ESRRB: variants seen among roughly 807,000 people sequenced by gnomAD.
ESRRB encodes steroid hormone receptor ERR2.
In ESRRB, 16 loss-of-function variants were observed where a neutral mutation model predicts 46.0. The ratio of observed to expected loss-of-function variants is 0.35; its 90% CI spans 0.24 to 0.53. The LOEUF is 0.53. ESRRB is among the 20% of genes least tolerant of loss of function. The probability of loss-of-function intolerance (pLI) is 0.93; values close to 1 mark genes in which losing one functional copy is unlikely to be tolerated. For synonymous variants in ESRRB, 246 were observed against 259.6 expected, an observed-to-expected ratio of 0.95 and a Z score of 0.50; for missense variants, 488 against 607.4, an observed-to-expected ratio of 0.80 and a Z score of 2.07.
Position 76,376,333 on chromosome 14 carries a change from T to C in ESRRB, c.-69T>C, listed in dbSNP as rs1884765739. Reference sequence around the variant, plus strand: ...CCGGGCTCGCACCTTGCCCGTGCCCTTCACTCGCTCTTCCGCGTGATTTCC... The same window carrying C: ...CCGGGCTCGCACCTTGCCCGTGCCCCTCACTCGCTCTTCCGCGTGATTTCC... On this transcript the variant is annotated 5_prime_UTR_variant, in exon 1 of 7. Transcript: ENST00000644823. The surrounding 1 kb of genome is among the most constrained non-coding windows in gnomAD (Gnocchi z 4.1). The C allele has an allele frequency of 1.7e-6, 2 of 1,174,468 alleles. No homozygotes were observed. Among genetic ancestry groups the C allele is most frequent in the Non-Finnish European group, 2.1e-6 (2 of 935,876 alleles). The allele number at this position is 1,174,468 out of a possible 1,614,324, so 72.8% of individuals were successfully genotyped here.
intron 2 of ESRRB, among the ~76,000 whole-genome samples, chr14:76,440,298 A>G (rs948278888): frequency 6.6e-6 from 1 of 151,952 alleles, no homozygotes; most frequent in African/African-American, 2.4e-5. Context: ...AGACCCCATC[A>G]TTATTATTAT....
intron 1 of ESRRB, among the ~76,000 whole-genome samples, chr14:76,349,814 G>C (rs1339986530): frequency 6.6e-6 from 1 of 152,122 alleles, no homozygotes; most frequent in African/African-American, 2.4e-5. Context: ...TGAATGAATA[G>C]AGAAGGGAAA....
chr14:76,311,000 CTCTCTCTCT>C, intron 1 of ESRRB: 1 of 434,690 alleles, frequency 2.3e-6, no homozygotes, highest in Non-Finnish European at 4.6e-6. Flanking sequence ...CTCTCTCTCT[CTCTCTCTCT>C]CTCTCTCTCT....
At chr14:76,489,881 T>G (rs1026587006) in intron 5 of ESRRB, among the ~76,000 whole-genome samples, 3 of 151,940 alleles carry the variant, frequency 2.0e-5, no homozygotes, top group Non-Finnish European at 4.4e-5. Context: ...GAGAAGTGAG[T>G]GATGCCAATG....
intron 1 of ESRRB, among the ~76,000 whole-genome samples, chr14:76,425,507 T>C (rs189920563): frequency 1.9e-3 from 289 of 151,144 alleles, no homozygotes; most frequent in African/African-American, 6.9e-3. Flanking sequence ...TGCCTGCCCC[T>C]CCCTCCTCAC....
chr14:76,456,469 G>T (rs181536376), intron 2 of ESRRB, among the ~76,000 whole-genome samples: 1 of 152,202 alleles, frequency 6.6e-6, no homozygotes, highest in Non-Finnish European at 1.5e-5. Flanking sequence ...GTCGCAAGGG[G>T]TGATGAGTGT....
At chr14:76,388,515 A>C (rs1156342222) in intron 1 of ESRRB, among the ~76,000 whole-genome samples, 1 of 152,032 alleles carries the variant, frequency 6.6e-6, no homozygotes, top group Non-Finnish European at 1.5e-5. Flanking sequence ...TCCTGCCTTC[A>C]GAACACCTTG....
At chr14:76,342,901 T>C (rs1884208172) in intron 1 of ESRRB, among the ~76,000 whole-genome samples, 1 of 152,292 alleles carries the variant, frequency 6.6e-6, no homozygotes, top group Middle Eastern at 3.4e-3. Context: ...CCTTTTATGT[T>C]CCAGTAGAAA....
At chr14:76,428,649 C>T (rs1887301478) in intron 1 of ESRRB, among the ~76,000 whole-genome samples, 1 of 152,124 alleles carries the variant, frequency 6.6e-6, no homozygotes, top group East Asian at 1.9e-4. Flanking sequence ...CTCATGTGTG[C>T]TGGGCTTGGC....
At chr14:76,377,331 C>A (rs1884815457) in intron 1 of ESRRB, among the ~76,000 whole-genome samples, 1 of 152,164 alleles carries the variant, frequency 6.6e-6, no homozygotes, top group Non-Finnish European at 1.5e-5. Flanking sequence ...CATGTCCGGG[C>A]TCTCGGGGAT....
intron 1 of ESRRB, among the ~76,000 whole-genome samples, chr14:76,342,660 T>C (rs1884205488): frequency 6.6e-6 from 1 of 152,194 alleles, no homozygotes; most frequent in South Asian, 2.1e-4. Context: ...CCGCATGAGC[T>C]TTGATTTCCC....
intron 1 of ESRRB, among the ~76,000 whole-genome samples, chr14:76,416,281 G>A (rs1438324340): frequency 2.0e-5 from 3 of 151,646 alleles, no homozygotes; most frequent in Non-Finnish European, 2.9e-5. Context: ...GGCTATAGGC[G>A]CCCACCACCA....
At chr14:76,404,026 G>A (rs565651151) in intron 1 of ESRRB, among the ~76,000 whole-genome samples, 36 of 152,290 alleles carry the variant, frequency 2.4e-4, no homozygotes, top group African/African-American at 8.7e-4. Context: ...GCTGGGAGCA[G>A]GACCTTCTTG....
upstream of ESRRB, among the ~76,000 whole-genome samples, chr14:76,368,604 ACT>A (rs1180340061): frequency 6.6e-6 from 1 of 151,154 alleles, no homozygotes; most frequent in Non-Finnish European, 1.5e-5. Flanking sequence ...ATTTTTCTAA[ACT>A]CTCTGATTCC....
chr14:76,386,922 T>G (rs764927186), intron 1 of ESRRB, among the ~76,000 whole-genome samples: 1 of 152,172 alleles, frequency 6.6e-6, no homozygotes, highest in Non-Finnish European at 1.5e-5. Context: ...CAAGTCTTTT[T>G]GGGAACCTGT....
At chr14:76,453,144 C>T (rs1183405903) in intron 2 of ESRRB, among the ~76,000 whole-genome samples, 2 of 152,148 alleles carry the variant, frequency 1.3e-5, no homozygotes, top group South Asian at 2.1e-4. Context: ...AACTGGTGTT[C>T]GAGAGAAAGC....
At chr14:76,333,118 A>ATATT (rs1354200409) in intron 1 of ESRRB, among the ~76,000 whole-genome samples, 113 of 10,872 alleles carry the variant, frequency 0.01, 37 homozygotes, top group African/African-American at 0.037. Context: ...TATAATATAT[A>ATATT]ATATATATAT....
At chr14:76,317,200 G>A (rs1883811378) in intron 1 of ESRRB, among the ~76,000 whole-genome samples, 1 of 152,152 alleles carries the variant, frequency 6.6e-6, no homozygotes, top group Non-Finnish European at 1.5e-5. Context: ...TGACAGCAAT[G>A]AAAAGTCTAG....
chr14:76,430,103 G>C (rs556506271), intron 1 of ESRRB, among the ~76,000 whole-genome samples: 1 of 151,874 alleles, frequency 6.6e-6, no homozygotes, highest in African/African-American at 2.4e-5. Flanking sequence ...ACAGTAATTC[G>C]CATCTAGCCA....
Sources: allele counts gnomAD v4.1 joint callset (sites outside exome capture counted in the v4.1 genomes callset), GRCh38; gene constraint gnomAD v4.1.1; non-coding constraint Gnocchi (gnomAD v3.1); transcripts MANE v1.5; gene names NCBI Gene and HGNC (gene_info 2026-07-23, HGNC 2026-07-21).